COBLL1: variants seen among roughly 807,000 people sequenced by gnomAD.
COBLL1 encodes the protein cordon-bleu WH2 repeat protein like 1.
Under a neutral mutation model 94.8 loss-of-function variants are expected in COBLL1, and 50 were observed. The ratio of observed to expected loss-of-function variants is 0.53; its 90% confidence interval spans 0.42 to 0.67. The LOEUF (loss-of-function observed/expected upper bound fraction) is 0.67. COBLL1 is among the 30% of genes least tolerant of loss of function. COBLL1 has a pLI of 0.00. For missense variants in COBLL1, 1,362 were observed against 1,348.7 expected, an observed-to-expected ratio of 1.01 and a Z score of -0.15; for synonymous variants, 448 against 473.8, an observed-to-expected ratio of 0.95 and a Z score of 0.71.
intron 2 of COBLL1, among the ~76,000 whole-genome samples, chr2:164,796,737 G>A (rs1683480860): frequency 6.8e-6 from 1 of 146,526 alleles, no homozygotes; most frequent in South Asian, 2.1e-4. Context: ...GGAGAGGGAA[G>A]GTCAAGGGGG....
At chr2:164,679,261 G>A (rs187078455), downstream of COBLL1, among the ~76,000 whole-genome samples, 22 of 152,170 alleles carry the variant, frequency 1.4e-4, no homozygotes, top group Non-Finnish European at 2.4e-4. Context: ...AGGGGATGTG[G>A]TGCAACACCT....
At chr2:164,686,593 A>T (rs1181574355) in intron 13 of COBLL1, among the ~76,000 whole-genome samples, 1 of 133,268 alleles carries the variant, frequency 7.5e-6, no homozygotes, top group Non-Finnish European at 1.7e-5. Flanking sequence ...AAGACTGAAA[A>T]GGAGTTTTTT....
intron 1 of COBLL1, among the ~76,000 whole-genome samples, chr2:164,666,210 A>G (rs1691156337): frequency 6.6e-6 from 1 of 152,190 alleles, no homozygotes; most frequent in African/African-American, 2.4e-5. Flanking sequence ...ATTCTAGACC[A>G]CTACAATATA....
intron 2 of COBLL1, among the ~76,000 whole-genome samples, chr2:164,798,741 TG>T (rs778287585): frequency 2.7e-5 from 4 of 148,576 alleles, no homozygotes; most frequent in Non-Finnish European, 6.0e-5. Context: ...GTAAGCAGGC[TG>T]GGGGCAGTGG....
chr2:164,663,163 C>T (rs1250050447), intron 2 of COBLL1, among the ~76,000 whole-genome samples: 2 of 152,146 alleles, frequency 1.3e-5, no homozygotes, highest in African/African-American at 2.4e-5. Flanking sequence ...ATTCTGAGGG[C>T]ATAGGGCAAC....
At chr2:164,770,606 G>A (rs1475843324) in intron 2 of COBLL1, among the ~76,000 whole-genome samples, 1 of 152,016 alleles carries the variant, frequency 6.6e-6, no homozygotes, top group East Asian at 1.9e-4. Context: ...ACCATAGAAA[G>A]GTATCTGATT....
chr2:164,803,543 T>C (rs541759968), intron 2 of COBLL1, among the ~76,000 whole-genome samples: 6 of 148,260 alleles, frequency 4.0e-5, no homozygotes, highest in South Asian at 2.1e-4. Flanking sequence ...CCAGCCTGGG[T>C]GACAGAGCGA....
At position 164,727,200 on chromosome 2, in the gene COBLL1, C is replaced by A; in HGVS notation, c.661+769G>T. ...ATTGACTGTGAAGATGATGTTTGTT[C>A]AAGTATAAAACATCACTGAGTTGAA... On this transcript the variant is annotated intron_variant, in intron 5 of 13. Coordinates refer to ENST00000652658, the MANE Select transcript of COBLL1 (RefSeq NM_001365672.2). The A allele has an allele frequency of 3.0e-6, 3 of 1,011,962 alleles. No homozygotes were observed. The South Asian group carries it at 5.1e-5, about 17-fold the overall frequency. 62.7% of individuals were successfully genotyped at this position (1,011,962 alleles called of 1,614,324 possible). A position where few individuals can be genotyped will look rare whatever the true frequency, so the allele number is the denominator to read the frequency against.
intron 9 of COBLL1, 73 bp from the exon 10 acceptor site, chr2:164,700,829 G>A: frequency 3.3e-6 from 3 of 899,870 alleles, no homozygotes; most frequent in Non-Finnish European, 5.2e-6. Context: ...GGCAAGGAAG[G>A]AATTTTGAAA....
chr2:164,727,948 T>TA, intron 5 of COBLL1, 21 bp downstream of exon 5: 1 of 1,483,190 alleles, frequency 6.7e-7, no homozygotes, highest in South Asian at 1.1e-5. Context: ...ACTAAATAAA[T>TA]AAAATAAAAG....
chr2:164,832,820 G>A (rs2105384864), intron 2 of COBLL1, among the ~76,000 whole-genome samples: 1 of 151,888 alleles, frequency 6.6e-6, no homozygotes, highest in African/African-American at 2.4e-5. Flanking sequence ...GAGGCGGGCG[G>A]ATCACCTGAG....
At chr2:164,721,059 T>C (rs1685418507) in intron 7 of COBLL1, among the ~76,000 whole-genome samples, 1 of 152,228 alleles carries the variant, frequency 6.6e-6, no homozygotes, top group Non-Finnish European at 1.5e-5. Flanking sequence ...TCTCTTTGAG[T>C]TGCATGTATG....
At chr2:164,706,090 CT>C (rs1246410202) in intron 7 of COBLL1, among the ~76,000 whole-genome samples, 2 of 152,136 alleles carry the variant, frequency 1.3e-5, no homozygotes, top group Non-Finnish European at 2.9e-5. Flanking sequence ...TCCAATTTCT[CT>C]TATCCCACTT....
chr2:164,714,659 T>C (rs981153968), intron 7 of COBLL1, among the ~76,000 whole-genome samples: 4 of 152,102 alleles, frequency 2.6e-5, no homozygotes, highest in Non-Finnish European at 5.9e-5. Flanking sequence ...CTTAAGGTTA[T>C]CACTGTGGCT....
intron 2 of COBLL1, among the ~76,000 whole-genome samples, chr2:164,775,025 G>C (rs1232663988): frequency 1.3e-5 from 2 of 151,868 alleles, no homozygotes; most frequent in Non-Finnish European, 2.9e-5. Context: ...AGGTTAGCAC[G>C]GCAGTACATG....
chr2:164,737,888 C>T (rs1391008157), intron 3 of COBLL1, among the ~76,000 whole-genome samples: 2 of 152,150 alleles, frequency 1.3e-5, no homozygotes, highest in Non-Finnish European at 1.5e-5. Flanking sequence ...CTGCTGTAAA[C>T]TGGTGCTATG....
At chr2:164,839,454 G>T (rs901751261) in intron 2 of COBLL1, among the ~76,000 whole-genome samples, 2 of 152,166 alleles carry the variant, frequency 1.3e-5, no homozygotes, top group African/African-American at 4.8e-5. Flanking sequence ...CAAGAGTAAA[G>T]TCTGAAGGTT....
chr2:164,734,728 C>A lies in COBLL1; in HGVS notation c.231-4613G>T, dbSNP rs575248140. On this transcript the variant is annotated intron_variant, in intron 3 of 13. Transcript: ENST00000652658. ...GAGGAGCTAGCCAGTGGAAAGAGGG[C>A]AGGATTGGAGGGACAAAGTGGCAGT... Among the ~76,000 whole-genome samples, 667 of 152,112 alleles carry A rather than the reference C, an allele frequency of 4.4e-3. 5 individuals are homozygous for A. Among genetic ancestry groups the A allele is most frequent in the African/African-American group, 0.016 (646 of 41,494 alleles).
intron 2 of COBLL1, among the ~76,000 whole-genome samples, chr2:164,774,224 T>C (rs1040840947): frequency 6.6e-6 from 1 of 152,086 alleles, no homozygotes; most frequent in Non-Finnish European, 1.5e-5. Context: ...TTTAATTTTG[T>C]AAAAAGAAAA....
Sources: allele counts gnomAD v4.1 joint callset (sites outside exome capture counted in the v4.1 genomes callset), GRCh38; gene constraint gnomAD v4.1.1; transcripts MANE v1.5; gene names NCBI Gene and HGNC (gene_info 2026-07-23, HGNC 2026-07-21).